Variants in NOTCH3 observed in about 807,000 individuals in gnomAD.
The protein encoded by NOTCH3 is notch receptor 3.
A neutral mutation model predicts 213.3 loss-of-function variants in NOTCH3; 86 were observed. The ratio of observed to expected loss-of-function variants is 0.40; its 90% CI spans 0.34 to 0.48. The LOEUF (loss-of-function observed/expected upper bound fraction) is 0.48. Among genes scored for constraint, NOTCH3 ranks in the 20% least tolerant of loss-of-function variants. The pLI is 0.57. For synonymous variants in NOTCH3, 1,354 were observed against 1,355.9 expected (o/e 1.00, Z 0.03); for missense variants, 2,783 against 3,272.6 (o/e 0.85, Z 3.65).
At chr19:15,199,462 A>C (rs2046994302) in intron 1 of NOTCH3, among the ~76,000 whole-genome samples, 1 of 151,918 alleles carries the variant, frequency 6.6e-6, no homozygotes, top group African/African-American at 2.4e-5. Context: ...GCTGGGTGTA[A>C]GCATGTCCTT....
intron 24 of NOTCH3, among the ~76,000 whole-genome samples, chr19:15,175,415 T>A (rs1335749073): frequency 6.7e-6 from 1 of 148,616 alleles, no homozygotes; most frequent in Non-Finnish European, 1.5e-5. Flanking sequence ...GCGCCTGTAA[T>A]CCCAGCTACT....
At chr19:15,175,967 G>A (rs2046786687) in intron 24 of NOTCH3, among the ~76,000 whole-genome samples, 1 of 151,514 alleles carries the variant, frequency 6.6e-6, no homozygotes, top group Admixed American at 6.6e-5. Context: ...AGAAGGGGCA[G>A]GGTGTAGGGA....
intron 24 of NOTCH3, among the ~76,000 whole-genome samples, chr19:15,177,178 G>A (rs1299541353): frequency 6.6e-6 from 1 of 151,818 alleles, no homozygotes; most frequent in African/African-American, 2.4e-5. Context: ...AAACCCGGGA[G>A]GCAGAGGTTG....
chr19:15,165,602 C>T lies in NOTCH3; in HGVS notation c.5668-87G>A. Reference sequence around the variant, plus strand: ...CCCTAAGTCCCATGAAGTCCCCAACCCCCATACCCCAACCCCTGAAATTGG... The same window carrying T: ...CCCTAAGTCCCATGAAGTCCCCAACTCCCATACCCCAACCCCTGAAATTGG... On this transcript the variant is annotated intron_variant, in intron 30 of 32. Coordinates refer to ENST00000263388, the MANE Select transcript of NOTCH3 (RefSeq NM_000435.3). The surrounding 1 kb of genome is among the most constrained non-coding windows in gnomAD (Gnocchi z 4.7). 1 of 1,427,396 alleles carries T rather than the reference C, an allele frequency of 7.0e-7. No homozygotes were observed. Among genetic ancestry groups the T allele is most frequent in the Non-Finnish European group, 9.5e-7 (1 of 1,050,710 alleles). The allele number at this position is 1,427,396 out of a possible 1,614,324, so 88.4% of individuals were successfully genotyped here.
chr19:15,174,448 G>A lies in NOTCH3; in HGVS notation c.4404-48C>T, dbSNP rs1210777881. 6 of 1,394,144 alleles carry A rather than the reference G, an allele frequency of 4.3e-6. No homozygotes were observed. The East Asian group carries it at 1.3e-4, about 29-fold the overall frequency. 86.4% of individuals were successfully genotyped at this position (1,394,144 alleles called of 1,614,324 possible). The stretch of plus-strand genomic sequence containing the variant: ...AGAGGGGCGGAGTCAGGGGTCAGAG[G>A]AGACAATCCCCTTCCATGCATTCAC... On this transcript the variant is annotated intron_variant, in intron 24 of 32. Transcript: ENST00000263388.
At chr19:15,172,672 T>C (rs1026320137) in intron 25 of NOTCH3, among the ~76,000 whole-genome samples, 2 of 150,870 alleles carry the variant, frequency 1.3e-5, no homozygotes, top group Non-Finnish European at 3.0e-5. Flanking sequence ...CTTTTTCTTT[T>C]TTTTTTTTTT....
rs1403315775 is a variant in NOTCH3, at chr19:15,180,743, C to A, written c.3080G>T (p.Gly1027Val). 1 of 1,588,048 alleles carries A rather than the reference C, an allele frequency of 6.3e-7. No individual in the cohort carries two copies. Residue 1027 changes from glycine (G) to valine (V), a missense_variant, in exon 19 of 33, where the codon GGA (glycine) becomes GTA (valine). By Grantham distance (109) the Gly-to-Val change is moderately radical. Around this residue, in one of 6 missense-constraint regions of NOTCH3, gnomAD observed 861 missense variants for 909.1 expected, o/e 0.95. Transcript: ENST00000263388. ...GATGTCACAGAGGCGTCCGCTCCATCCAGGGGGACAAAGGCAATAGGCCCC... is the reference window on the plus strand; with the variant it reads ...GATGTCACAGAGGCGTCCGCTCCATACAGGGGGACAAAGGCAATAGGCCCC... Reference protein sequence around the residue: ...QTGAYCLCPPGWSGRLCDIRS... With the variant: ...QTGAYCLCPPVWSGRLCDIRS...
At chr19:15,183,210 C>T (rs1366449693) in intron 16 of NOTCH3, among the ~76,000 whole-genome samples, 2 of 152,042 alleles carry the variant, frequency 1.3e-5, no homozygotes, top group Non-Finnish European at 2.9e-5. Flanking sequence ...GCCAAGATCG[C>T]ACCACTGCAC....
At position 15,177,885 on chromosome 19, in the gene NOTCH3, C is replaced by A; in HGVS notation, c.4043G>T (p.Gly1348Val). ...SCAAAPCLHGGSCRPAPLAPF... is the reference protein window; with the variant it reads ...SCAAAPCLHGVSCRPAPLAPF... Reference sequence around the variant, plus strand: ...CGCGAGCGGCGCGGGGCGGCAGGAGCCCCCGTGGAGACAGGGGGCGGCCGC... The same window carrying A: ...CGCGAGCGGCGCGGGGCGGCAGGAGACCCCGTGGAGACAGGGGGCGGCCGC... The change falls in exon 24 of 33, where the codon GGC becomes GTC. Residue 1348 changes from glycine to valine, a missense_variant. This residue lies in a region of NOTCH3 where 133 missense variants were observed against 201.9 expected (regional missense o/e 0.66). Coordinates refer to ENST00000263388, the MANE Select transcript of NOTCH3 (RefSeq NM_000435.3). 1.6e-6 allele frequency: 2 copies of A among 1,242,610 alleles called. No individual in the cohort carries two copies. The highest frequency in any genetic ancestry group is 2.0e-6 in the Non-Finnish European group (2 of 995,598). The allele number at this position is 1,242,610 out of a possible 1,614,324, so 77.0% of individuals were successfully genotyped here. A position where few individuals can be genotyped will look rare whatever the true frequency, so the allele number is the denominator to read the frequency against.
intron 24 of NOTCH3, among the ~76,000 whole-genome samples, chr19:15,175,588 T>TACAC (rs149125680): frequency 0.031 from 1,474 of 47,156 alleles, 12 homozygotes; most frequent in Middle Eastern, 0.058. Context: ...TATATATGTA[T>TACAC]ATACACACAC....
chr19:15,199,370 A>G (rs2046993506), intron 1 of NOTCH3, among the ~76,000 whole-genome samples: 1 of 152,118 alleles, frequency 6.6e-6, no homozygotes, highest in African/African-American at 2.4e-5. Flanking sequence ...AAATGGGTGT[A>G]CAGCTGTGTG....
chr19:15,161,132 C>A lies in NOTCH3; in HGVS notation c.6496G>T (p.Val2166Leu). 1 of 1,539,330 alleles carries A rather than the reference C, an allele frequency of 6.5e-7. No homozygotes were observed. The highest frequency in any genetic ancestry group is 8.7e-7 in the Non-Finnish European group (1 of 1,148,658). ...CGGGCCCAATCGAGGGGCACAGCCA[C>A]AGGGTTCAGCAGGCCCAGGCTGAGT... Reference protein sequence around the residue: ...CVLSLGLLNPVAVPLDWARLP... With the variant: ...CVLSLGLLNPLAVPLDWARLP... Residue 2166 changes from valine to leucine, a missense_variant, in exon 33 of 33, where the codon GTG becomes TTG. Physicochemically the swap from Val to Leu is conservative, Grantham distance 32 (BLOSUM62 1). Transcript: ENST00000263388.
rs112926178 is a variant in NOTCH3 at position 15,193,789 on chromosome 19, A to G, written c.198-1270T>C. Among the ~76,000 whole-genome samples the G allele has an allele frequency of 2.2e-5, 3 of 138,498 alleles. 1 individual carries two copies. The highest frequency in any genetic ancestry group is 7.9e-5 in the African/African-American group (3 of 37,866). The allele number at this position is 138,498 out of a possible 152,430, so 90.9% of individuals were successfully genotyped here. ...CCATCTCAAAAAAAAACAAAAAACAAAAAAAACAAACAGGCCAGGCGCAGT... is the reference window on the plus strand; with the variant it reads ...CCATCTCAAAAAAAAACAAAAAACAGAAAAAACAAACAGGCCAGGCGCAGT... On this transcript the variant is annotated intron_variant, in intron 2 of 32. Coordinates refer to ENST00000263388, the MANE Select transcript of NOTCH3 (RefSeq NM_000435.3).
chr19:15,190,242 C>G, intron 6 of NOTCH3, among the ~76,000 whole-genome samples: 1 of 152,134 alleles, frequency 6.6e-6, no homozygotes, highest in South Asian at 2.1e-4. Flanking sequence ...CCACTGTACT[C>G]CAGCCTGGGT....
rs1315733874 is a variant in NOTCH3, at chr19:15,165,441, G to C, written c.5742C>G (p.Ala1914=). 5 of 1,612,344 alleles carry C rather than the reference G, an allele frequency of 3.1e-6. No individual in the cohort carries two copies. Among genetic ancestry groups the C allele is most frequent in the Non-Finnish European group, 4.2e-6 (5 of 1,180,012 alleles). The change falls in exon 31 of 33, where the codon GCC becomes GCG. Residue 1914 remains alanine (A), a synonymous_variant. Coordinates refer to ENST00000263388, the MANE Select transcript of NOTCH3 (RefSeq NM_000435.3). The surrounding 1 kb of genome is among the most constrained non-coding windows in gnomAD (Gnocchi z 4.7). ...ADGSTALILA[A]RLAVEGMVEE... Reference sequence around the variant, plus strand: ...CCACCATGCCCTCTACTGCCAGGCGGGCCGCCAGGATCAGTGCCGTTGAGC... The same window carrying C: ...CCACCATGCCCTCTACTGCCAGGCGCGCCGCCAGGATCAGTGCCGTTGAGC...
At chr19:15,164,520 G>A (rs1018088371) in intron 31 of NOTCH3, among the ~76,000 whole-genome samples, 21 of 132,578 alleles carry the variant, frequency 1.6e-4, no homozygotes, top group Non-Finnish European at 3.1e-4. Flanking sequence ...CAGCCTGGGT[G>A]ACAAGAGTGA....
chr19:15,197,442 C>CGGG, intron 2 of NOTCH3, 58 bp downstream of exon 2: 1 of 620,834 alleles, frequency 1.6e-6, no homozygotes, highest in Non-Finnish European at 3.1e-6. Flanking sequence ...AGACAAATCG[C>CGGG]CCCTCCCCCC....
At chr19:15,183,743 G>A (rs1458646220) in intron 16 of NOTCH3, among the ~76,000 whole-genome samples, 3 of 152,110 alleles carry the variant, frequency 2.0e-5, no homozygotes, top group East Asian at 1.9e-4. Context: ...ATATTAACTC[G>A]ATTGCTCTCA....
chr19:15,161,219 G>A lies in NOTCH3; in HGVS notation c.6409C>T (p.Leu2137=). The A allele has an allele frequency of 6.5e-7, 1 of 1,546,838 alleles. No homozygotes were observed. The highest frequency in any genetic ancestry group is 8.7e-7 in the Non-Finnish European group (1 of 1,151,656). The change falls in exon 33 of 33, where the codon CTG becomes TTG. Residue 2137 remains leucine (L), a synonymous_variant. Coordinates refer to ENST00000263388, the MANE Select transcript of NOTCH3 (RefSeq NM_000435.3). ...YAAATATAVS[L]AQLGGPGRAG... is the part of the protein sequence containing the mutation. ...CGGCCTGGGCCACCAAGCTGTGCCAGAGACACTGCAGTGGCAGTGGCAGCT... is the reference window on the plus strand; with the variant it reads ...CGGCCTGGGCCACCAAGCTGTGCCAAAGACACTGCAGTGGCAGTGGCAGCT...
Sources: gnomAD v4.1 joint callset for allele counts (sites outside exome capture counted in the v4.1 genomes callset) on GRCh38, gnomAD v4.1.1 for gene constraint, gnomAD v4.1.1 regional missense constraint, Gnocchi (gnomAD v3.1) non-coding constraint, MANE v1.5 for transcripts, NCBI Gene and HGNC (gene_info 2026-07-23, HGNC 2026-07-21) for gene names.